ARMH3: variants seen among roughly 807,000 people sequenced by gnomAD.
ARMH3 encodes the protein armadillo-like helical domain-containing protein 3.
In ARMH3, 60 loss-of-function variants were observed where a neutral mutation model predicts 99.1. That is an observed-to-expected ratio of 0.61 (90% CI 0.49 to 0.75). The LOEUF (loss-of-function observed/expected upper bound fraction) is 0.75. Among genes scored for constraint, ARMH3 ranks in the 30% least tolerant of loss-of-function variants. The pLI, the probability that ARMH3 is intolerant of heterozygous loss-of-function variation, is 0.00. For synonymous variants in ARMH3, 285 were observed against 292.8 expected, an observed-to-expected ratio of 0.97 and a Z score of 0.27; for missense variants, 679 against 843.1, an observed-to-expected ratio of 0.81 and a Z score of 2.41.
chr10:101,993,721 G>T, intron 16 of ARMH3, 118 bp from the exon 17 acceptor site: 2 of 658,230 alleles, frequency 3.0e-6, no homozygotes, highest in Non-Finnish European at 5.1e-6. Flanking sequence ...CAGCTGGACA[G>T]CTAATAGGAT....
chr10:101,892,762 C>T (rs776322583), intron 23 of ARMH3, among the ~76,000 whole-genome samples: 48 of 152,190 alleles, frequency 3.2e-4, no homozygotes, highest in Non-Finnish European at 5.3e-4. Flanking sequence ...ATTTATAGTA[C>T]ATATAATAAA....
intron 24 of ARMH3, among the ~76,000 whole-genome samples, chr10:101,889,140 A>T (rs2135441149): frequency 6.6e-6 from 1 of 152,364 alleles, no homozygotes; most frequent in Admixed American, 6.5e-5. Context: ...TTAAAAAAAG[A>T]AATGCCTTAT....
At chr10:101,974,550 C>T (rs1590114505) in intron 20 of ARMH3, among the ~76,000 whole-genome samples, 1 of 152,176 alleles carries the variant, frequency 6.6e-6, no homozygotes, top group African/African-American at 2.4e-5. Flanking sequence ...AAAGGGGTGG[C>T]AAGCCAGCAT....
chr10:101,919,979 C>T (rs1222493027), intron 23 of ARMH3, among the ~76,000 whole-genome samples: 2 of 152,106 alleles, frequency 1.3e-5, no homozygotes, highest in Admixed American at 6.6e-5. Context: ...CTCCATCAGC[C>T]CAATAACTGA....
At chr10:101,921,677 GCAA>G (rs1843311537) in intron 23 of ARMH3, among the ~76,000 whole-genome samples, 1 of 152,104 alleles carries the variant, frequency 6.6e-6, no homozygotes, top group Admixed American at 6.5e-5. Flanking sequence ...CAAGTCATTT[GCAA>G]CAACACAGAT....
chr10:101,881,592 A>G (rs887289548), intron 24 of ARMH3, among the ~76,000 whole-genome samples: 5 of 152,130 alleles, frequency 3.3e-5, no homozygotes, highest in Non-Finnish European at 7.4e-5. Context: ...GATTTACCCA[A>G]TAGGCCTCAT....
chr10:101,907,361 A>G (rs925026361), intron 23 of ARMH3, among the ~76,000 whole-genome samples: 1 of 151,646 alleles, frequency 6.6e-6, no homozygotes, highest in Non-Finnish European at 1.5e-5. Flanking sequence ...AGGAACTGGG[A>G]TAACTGTTTT....
intron 4 of ARMH3, among the ~76,000 whole-genome samples, chr10:102,030,784 GT>G (rs1235721568): frequency 1.3e-5 from 2 of 151,762 alleles, no homozygotes; most frequent in Admixed American, 6.6e-5. Flanking sequence ...GTTTTGTCTT[GT>G]TTTTGTTTTT....
intron 23 of ARMH3, among the ~76,000 whole-genome samples, chr10:101,895,138 T>C (rs1179228205): frequency 6.6e-6 from 1 of 152,000 alleles, no homozygotes; most frequent in East Asian, 1.9e-4. Flanking sequence ...AGGGAAAAAA[T>C]AGTCTTTTCA....
At chr10:101,944,244 A>ATATATATATATATATATTTATATT (rs1844376254) in intron 22 of ARMH3, among the ~76,000 whole-genome samples, 1 of 30,542 alleles carries the variant, frequency 3.3e-5, no homozygotes, top group African/African-American at 1.5e-4. Flanking sequence ...GCTTGAGCCT[A>ATATATATATATATATATTTATATT]TATATATATA....
intron 1 of ARMH3, among the ~76,000 whole-genome samples, chr10:102,051,071 T>C (rs2067690504): frequency 6.6e-6 from 1 of 151,378 alleles, no homozygotes; most frequent in Admixed American, 6.6e-5. Flanking sequence ...GGAGAATCAC[T>C]TGAACCCGGG....
chr10:102,019,844 C>T (rs913527762), intron 8 of ARMH3, among the ~76,000 whole-genome samples: 2 of 149,744 alleles, frequency 1.3e-5, no homozygotes, highest in Non-Finnish European at 3.0e-5. Flanking sequence ...AGGAGAATGG[C>T]ATGAACCCAG....
chr10:101,899,391 G>C (rs546230151), intron 23 of ARMH3, among the ~76,000 whole-genome samples: 41 of 152,310 alleles, frequency 2.7e-4, no homozygotes, highest in African/African-American at 9.1e-4. Context: ...AAGGGGTAAA[G>C]GTATGACTGA....
chr10:101,854,226 G>A (rs1302311293), intron 24 of ARMH3, among the ~76,000 whole-genome samples: 1 of 152,184 alleles, frequency 6.6e-6, no homozygotes, highest in Non-Finnish European at 1.5e-5. Flanking sequence ...TAGCCTCTGT[G>A]AGTCTCAGCC....
Position 102,025,223 on chromosome 10 carries a change from A to C in ARMH3, c.440T>G (p.Leu147Trp), listed in dbSNP as rs756685860. Reference protein sequence around the residue: ...MKNLMESLDSLLCAEGSESLK... With the variant: ...MKNLMESLDSWLCAEGSESLK... ...ACTTTCAGAACCTTCTGCACAAAGC[A>C]ATGAATCCAAACTCTCCATCAAGTT... The change falls in exon 6 of 26, where the codon TTG (leucine) becomes TGG (tryptophan). Residue 147 changes from leucine (L) to tryptophan (W), a missense_variant. Physicochemically the swap from Leu to Trp is moderately conservative, Grantham distance 61. Around this residue, in one of 3 missense-constraint regions of ARMH3, gnomAD observed 280 missense variants for 354.6 expected, o/e 0.79. Coordinates refer to ENST00000370033, the MANE Select transcript of ARMH3 (RefSeq NM_024541.3). 13 of 1,613,850 alleles carry C rather than the reference A, an allele frequency of 8.1e-6. No homozygotes were observed. Among genetic ancestry groups the C allele is most frequent in the Non-Finnish European group, 1.0e-5 (12 of 1,179,954 alleles).
intron 13 of ARMH3, 88 bp from the exon 14 acceptor site, chr10:102,006,721 C>A: frequency 8.1e-7 from 1 of 1,241,580 alleles, no homozygotes; most frequent in South Asian, 1.3e-5. Context: ...GACTGGTATT[C>A]TGGACCTTAT....
chr10:101,969,228 G>C (rs534197597), intron 20 of ARMH3, among the ~76,000 whole-genome samples: 1 of 152,136 alleles, frequency 6.6e-6, no homozygotes, highest in African/African-American at 2.4e-5. Context: ...GGAGGAAGCT[G>C]GGTGAAGGGT....
chr10:101,902,023 G>C (rs540255164), intron 23 of ARMH3, among the ~76,000 whole-genome samples: 123 of 152,280 alleles, frequency 8.1e-4, no homozygotes, highest in Non-Finnish European at 1.4e-3. Flanking sequence ...AAAGCTAACA[G>C]GGTCAGATTT....
chr10:101,977,890 T>C (rs991279245), intron 19 of ARMH3, among the ~76,000 whole-genome samples: 3 of 152,218 alleles, frequency 2.0e-5, no homozygotes, highest in African/African-American at 7.2e-5. Flanking sequence ...AACTTGGACT[T>C]CCTAGTCTTC....
Sources: allele counts gnomAD v4.1 joint callset (sites outside exome capture counted in the v4.1 genomes callset), GRCh38; gene constraint gnomAD v4.1.1; regional missense constraint gnomAD v4.1.1; transcripts MANE v1.5; gene names NCBI Gene and HGNC (gene_info 2026-07-23, HGNC 2026-07-21).